The following XRN1 variants were observed in gnomAD, a reference collection of about 807,000 sequenced individuals.
XRN1 encodes 5'-3' exoribonuclease 1, also known as strand-exchange protein 1 homolog.
Under a neutral mutation model 222.3 loss-of-function variants are expected in XRN1, and 67 were observed. That is an observed-to-expected ratio of 0.30 (90% CI 0.25 to 0.37). The LOEUF (loss-of-function observed/expected upper bound fraction) is 0.37, where lower values mean the gene tolerates loss of function less well. Among genes scored for constraint, XRN1 ranks in the 10% least tolerant of loss-of-function variants. The pLI is 1.00. For synonymous variants in XRN1, 643 were observed against 652.4 expected, an observed-to-expected ratio of 0.99 and a Z score of 0.22; for missense variants, 1,707 against 2,000.2, an observed-to-expected ratio of 0.85 and a Z score of 2.80.
rs768711780 is a variant in XRN1, at chr3:142,447,832, T to G, written c.75+38A>C. ...GTGGAGAGGGCCGCGGAGCCCCGGG[T>G]CCTCGGCTTTCTGAGCCGTTGCCCC... On this transcript the variant is annotated intron_variant, in intron 1 of 40. Coordinates refer to ENST00000392981, the MANE Select transcript of XRN1 (RefSeq NM_001282857.2). The surrounding 1 kb of genome is among the most constrained non-coding windows in gnomAD (Gnocchi z 4.2). 102 of 1,609,434 alleles carry G rather than the reference T, an allele frequency of 6.3e-5. No individual in the cohort carries two copies. Among genetic ancestry groups the G allele is most frequent in the African/African-American group, 9.4e-5 (7 of 74,622 alleles).
chr3:142,384,259 G>A (rs1261919286), intron 21 of XRN1, among the ~76,000 whole-genome samples: 7 of 141,708 alleles, frequency 4.9e-5, no homozygotes, highest in Non-Finnish European at 9.0e-5. Context: ...GCAACAGAGC[G>A]AGACTCTGTC....
At position 142,380,158 on chromosome 3, in the gene XRN1, A is replaced by G. The variant is rs1464645267; in HGVS notation, c.2639T>C (p.Ile880Thr). 8 of 1,613,908 alleles carry G rather than the reference A, an allele frequency of 5.0e-6. No individual in the cohort carries two copies. Among genetic ancestry groups the G allele is most frequent in the African/African-American group, 1.3e-5 (1 of 75,032 alleles). The change falls in exon 23 of 41, where the codon ATT becomes ACT. Residue 880 changes from isoleucine to threonine, a missense_variant. Transcript: ENST00000392981. ...AATCACACGAATCCTACCTTCTGTA[A>G]TCACATCACCTGAATCCTGAACCTT... Reference protein sequence around the residue: ...TGEVQDSGDVITEGRIRVIFS... With the variant: ...TGEVQDSGDVTTEGRIRVIFS...
At chr3:142,369,475 C>T (rs568646690) in intron 27 of XRN1, among the ~76,000 whole-genome samples, 7 of 150,684 alleles carry the variant, frequency 4.6e-5, no homozygotes, top group Admixed American at 4.6e-4. Context: ...GGCAAAACTC[C>T]GTCTCTACTA....
At chr3:142,329,337 A>C in intron 37 of XRN1, 97 bp downstream of exon 37, 2 of 802,296 alleles carry the variant, frequency 2.5e-6, no homozygotes, top group Non-Finnish European at 3.5e-6. Flanking sequence ...TAAGAAAAAT[A>C]GGCCCCATTT....
rs370690880 is a variant in XRN1, at chr3:142,421,007, A to T, written c.1173+9T>A. ...AAAACAATGAAAGGACACCTAAAAA[A>T]ATAGACACCTTTAACTTTTTCTTTT... On this transcript the variant is annotated intron_variant, in intron 10 of 40. Coordinates refer to ENST00000392981, the MANE Select transcript of XRN1 (RefSeq NM_001282857.2). 6.2e-7 allele frequency: 1 copy of T among 1,613,462 alleles called. No homozygotes were observed.
chr3:142,397,523 G>C, intron 19 of XRN1, 63 bp from the exon 20 acceptor site: 1 of 1,315,208 alleles, frequency 7.6e-7, no homozygotes, highest in African/African-American at 1.5e-5. Context: ...AGTTCTAGCA[G>C]TGTGAGTCTT....
chr3:142,439,968 GGAGACGAAGGTCCTCT>G (rs889373523), intron 1 of XRN1, among the ~76,000 whole-genome samples: 26 of 152,166 alleles, frequency 1.7e-4, no homozygotes, highest in African/African-American at 4.6e-4. Context: ...CACTACCTCA[GGAGACGAAGGTCCTCT>G]GAGACGAAGG....
chr3:142,341,272 C>G (rs988673038), intron 33 of XRN1, among the ~76,000 whole-genome samples: 3 of 151,670 alleles, frequency 2.0e-5, no homozygotes, highest in Non-Finnish European at 4.4e-5. Flanking sequence ...CTCATAACTT[C>G]AAATCAAAAA....
intron 28 of XRN1, 50 bp from the exon 29 acceptor site, chr3:142,365,229 T>C: frequency 6.3e-7 from 1 of 1,583,150 alleles, no homozygotes; most frequent in Non-Finnish European, 8.6e-7. Context: ...ATTTTCATAC[T>C]AATATACTGA....
At chr3:142,415,567 A>C (rs910573259) in intron 13 of XRN1, among the ~76,000 whole-genome samples, 11 of 152,212 alleles carry the variant, frequency 7.2e-5, no homozygotes, top group African/African-American at 2.7e-4. Context: ...GCTTGGCCTT[A>C]ATGTAAGTTA....
At chr3:142,443,067 G>T (rs560862748) in intron 1 of XRN1, among the ~76,000 whole-genome samples, 1 of 152,280 alleles carries the variant, frequency 6.6e-6, no homozygotes, top group African/African-American at 2.4e-5. Context: ...TGTTAAGTTT[G>T]TCTCTTCCAG....
intron 1 of XRN1, among the ~76,000 whole-genome samples, chr3:142,434,699 G>C (rs2069793250): frequency 6.6e-6 from 1 of 152,048 alleles, no homozygotes; most frequent in South Asian, 2.1e-4. Flanking sequence ...CAAGGCTGCA[G>C]TGAGTGGTGA....
chr3:142,436,477 A>G (rs2108186765), intron 1 of XRN1, among the ~76,000 whole-genome samples: 1 of 152,346 alleles, frequency 6.6e-6, no homozygotes, highest in Non-Finnish European at 1.5e-5. Flanking sequence ...ACTAGAATGT[A>G]AATTGGCATA....
At chr3:142,344,426 C>T (rs2066083148) in intron 33 of XRN1, among the ~76,000 whole-genome samples, 2 of 151,950 alleles carry the variant, frequency 1.3e-5, no homozygotes, top group Admixed American at 6.6e-5. Flanking sequence ...ATGTTCTCAC[C>T]ACTTCTATTC....
At position 142,447,067 on chromosome 3, in the gene XRN1, T is replaced by C. The variant is rs904888063; in HGVS notation, c.75+803A>G. ...ATCACCCAAAGTCTAGTTTACCTAA[T>C]AGACGACTGCTTTCTCCTCTCTTTC... On this transcript the variant is annotated intron_variant, in intron 1 of 40. Coordinates refer to ENST00000392981, the MANE Select transcript of XRN1 (RefSeq NM_001282857.2). This position sits in a 1 kb window ranked among gnomAD's most constrained non-coding sequence, Gnocchi z 4.2. Among the ~76,000 whole-genome samples the C allele has an allele frequency of 1.3e-5, 2 of 152,364 alleles. No homozygotes were observed. Among genetic ancestry groups the C allele is most frequent in the East Asian group, 3.9e-4 (2 of 5,188 alleles).
Position 142,347,352 on chromosome 3 carries a change from A to C in XRN1, c.3769-10T>G. The C allele has an allele frequency of 6.6e-7, 1 of 1,519,580 alleles. No homozygotes were observed. Among genetic ancestry groups the C allele is most frequent in the Non-Finnish European group, 8.9e-7 (1 of 1,129,102 alleles). The allele number at this position is 1,519,580 out of a possible 1,614,324, so 94.1% of individuals were successfully genotyped here. A position where few individuals can be genotyped will look rare whatever the true frequency, so the allele number is the denominator to read the frequency against. The stretch of plus-strand genomic sequence containing the variant: ...GAGGTAGAACTGCACCCTGAAAATT[A>C]AAATTCTTATAAATTAAACAAAATC... On this transcript the variant is annotated splice_polypyrimidine_tract_variant and intron_variant, in intron 32 of 40. Coordinates refer to ENST00000392981, the MANE Select transcript of XRN1 (RefSeq NM_001282857.2).
intron 25 of XRN1, among the ~76,000 whole-genome samples, chr3:142,373,080 G>T (rs1426396829): frequency 2.0e-5 from 3 of 151,912 alleles, no homozygotes; most frequent in African/African-American, 7.3e-5. Flanking sequence ...AATCAAACAG[G>T]AGGAAAAAAA....
intron 37 of XRN1, among the ~76,000 whole-genome samples, chr3:142,320,260 C>T (rs969958970): frequency 3.9e-5 from 6 of 152,126 alleles, no homozygotes; most frequent in African/African-American, 1.4e-4. Context: ...TTAATAATAG[C>T]CATTCCGCCT....
At position 142,375,798 on chromosome 3, in the gene XRN1, C is replaced by T; in HGVS notation, c.2978G>A (p.Arg993Lys). 6.2e-7 allele frequency: 1 copy of T among 1,610,364 alleles called. No individual in the cohort carries two copies. The highest frequency in any genetic ancestry group is 8.5e-7 in the Non-Finnish European group (1 of 1,178,260). ...TACTAGTATCTTATTATGTACTTACCTCTCTAAGTACTCTGCCAGAAGTTG... is the reference window on the plus strand; with the variant it reads ...TACTAGTATCTTATTATGTACTTACTTCTCTAAGTACTCTGCCAGAAGTTG... ...AEQLLAEYLE[R>K]APELFSYIAK... Residue 993 changes from arginine (R) to lysine (K), a missense_variant and splice_region_variant, in exon 25 of 41, where the codon AGA (arginine) becomes AAA (lysine). Coordinates refer to ENST00000392981, the MANE Select transcript of XRN1 (RefSeq NM_001282857.2).
Sources: gnomAD v4.1 joint callset for allele counts (sites outside exome capture counted in the v4.1 genomes callset) on GRCh38, gnomAD v4.1.1 for gene constraint, Gnocchi (gnomAD v3.1) non-coding constraint, MANE v1.5 for transcripts, NCBI Gene and HGNC (gene_info 2026-07-23, HGNC 2026-07-21) for gene names.